Variants in CDH26 observed in about 807,000 individuals in gnomAD.
CDH26 encodes cadherin-like protein 26.
CDH26 carries 83 observed loss-of-function variants against 90.3 expected under a neutral mutation model. That is an observed-to-expected ratio of 0.92 (90% CI 0.77 to 1.10). The LOEUF (loss-of-function observed/expected upper bound fraction) is 1.10, where lower values mean the gene tolerates loss of function less well. Ranked by LOEUF, CDH26 falls within the 50% of genes least tolerant of loss-of-function variation. CDH26 has a pLI of 0.00. For missense variants in CDH26, 1,013 were observed against 1,037.6 expected (o/e 0.98, Z 0.33); for synonymous variants, 397 against 396.3 (o/e 1.00, Z -0.02).
intron 1 of CDH26, among the ~76,000 whole-genome samples, chr20:59,966,994 A>C (rs1056253114): frequency 3.4e-5 from 5 of 147,478 alleles, no homozygotes; most frequent in African/African-American, 1.3e-4. Flanking sequence ...AGTAAAAAAA[A>C]AAATAATAAT....
chr20:59,988,054 G>A (rs1262606762), intron 8 of CDH26, among the ~76,000 whole-genome samples: 1 of 152,162 alleles, frequency 6.6e-6, no homozygotes, highest in Admixed American at 6.5e-5. Flanking sequence ...TAAAACAAAT[G>A]GGAGTGCATC....
At chr20:59,995,478 T>A (rs1182686504) in intron 11 of CDH26, among the ~76,000 whole-genome samples, 6 of 152,170 alleles carry the variant, frequency 3.9e-5, no homozygotes. Context: ...CGGGAGTGGA[T>A]GATGAGAAGC....
intron 7 of CDH26, among the ~76,000 whole-genome samples, chr20:60,028,577 C>T (rs1356677657): frequency 6.6e-6 from 1 of 152,158 alleles, no homozygotes; most frequent in Non-Finnish European, 1.5e-5. Flanking sequence ...GCAGGGAGTT[C>T]ATAGGCAGGA....
chr20:60,015,916 CA>C, downstream of CDH26, among the ~76,000 whole-genome samples: 1 of 152,242 alleles, frequency 6.6e-6, no homozygotes, highest in South Asian at 2.1e-4. Flanking sequence ...GTCTTTTTGT[CA>C]AAAATCAGTT....
intron 1 of CDH26, 78 bp from the exon 2 acceptor site, chr20:59,968,889 T>G: frequency 1.5e-6 from 1 of 671,068 alleles, no homozygotes; most frequent in Non-Finnish European, 2.5e-6. Flanking sequence ...TAATTCTAGA[T>G]TTGTGCAACT....
chr20:59,974,956 A>G (rs539197418), intron 4 of CDH26, among the ~76,000 whole-genome samples: 1 of 152,142 alleles, frequency 6.6e-6, no homozygotes, highest in Non-Finnish European at 1.5e-5. Flanking sequence ...ACTCTGCCTT[A>G]TTGTTGACTT....
chr20:60,025,298 C>G (rs1411665816), intron 7 of CDH26, among the ~76,000 whole-genome samples: 2 of 152,212 alleles, frequency 1.3e-5, no homozygotes, highest in African/African-American at 4.8e-5. Context: ...GAGTTAAATG[C>G]ATTCAGTGAA....
chr20:60,031,442 T>C, intron 8 of CDH26: 1 of 1,095,320 alleles, frequency 9.1e-7, no homozygotes, highest in Non-Finnish European at 1.1e-6. Context: ...AGTCTCTATA[T>C]TTTTGCATGT....
At position 59,987,496 on chromosome 20, in the gene CDH26, T is replaced by C. The variant is rs773499601; in HGVS notation, c.881T>C (p.Leu294Ser). ...GAAGGCCGAGCCAGCCAGGGCGTGTTGCGTCTCCTGGTTCAAGATCGAGAT... is the reference window on the plus strand; with the variant it reads ...GAAGGCCGAGCCAGCCAGGGCGTGTCGCGTCTCCTGGTTCAAGATCGAGAT... ...IPEGRASQGV[L>S]RLLVQDRDSP... The change falls in exon 8 of 18, where the codon TTG becomes TCG. Residue 294 changes from leucine (L) to serine (S), a missense_variant. Coordinates refer to ENST00000348616, the MANE Select transcript of CDH26 (RefSeq NM_177980.4). The C allele has an allele frequency of 2.7e-5, 43 of 1,613,694 alleles. No homozygotes were observed. The highest frequency in any genetic ancestry group is 3.4e-5 in the Non-Finnish European group (40 of 1,179,898).
At chr20:59,966,231 T>TAAAAAAAAAAAAAAAAA (rs60088029) in intron 1 of CDH26, among the ~76,000 whole-genome samples, 6 of 76,266 alleles carry the variant, frequency 7.9e-5, no homozygotes, top group African/African-American at 3.8e-4. Flanking sequence ...GGTGTTGCAT[T>TAAAAAAAAAAAAAAAAA]AAAAAAAAAA....
intron 12 of CDH26, chr20:59,996,326 T>C: frequency 3.5e-6 from 5 of 1,419,910 alleles, no homozygotes; most frequent in African/African-American, 1.4e-5. Context: ...GTAATAACCA[T>C]GGAGACAGCA....
At chr20:59,985,225 TC>T in intron 7 of CDH26, 96 bp downstream of exon 7, 1 of 1,438,364 alleles carries the variant, frequency 7.0e-7, no homozygotes, top group South Asian at 1.2e-5. Context: ...TAGGCTGTTA[TC>T]ATATTGCTGT....
At chr20:59,970,944 C>T (rs1036228096) in intron 3 of CDH26, among the ~76,000 whole-genome samples, 1 of 152,110 alleles carries the variant, frequency 6.6e-6, no homozygotes, top group African/African-American at 2.4e-5. Flanking sequence ...CACATTACAA[C>T]AATTAGGCGG....
chr20:59,975,444 C>T (rs1376452806), intron 4 of CDH26, among the ~76,000 whole-genome samples: 1 of 152,172 alleles, frequency 6.6e-6, no homozygotes, highest in Non-Finnish European at 1.5e-5. Flanking sequence ...GCTGACTCCT[C>T]CATTTCAGCT....
At chr20:59,964,508 T>C (rs924346362) in intron 1 of CDH26, among the ~76,000 whole-genome samples, 1 of 151,574 alleles carries the variant, frequency 6.6e-6, no homozygotes, top group African/African-American at 2.4e-5. Flanking sequence ...GATTTCCTCT[T>C]TGGACAGACT....
In CDH26 at chr20:59,964,882, G is replaced by A. The variant is rs1479758092; in HGVS notation, c.70-4085G>A. ...TCAATTTACAGAAGGGGAAACTGAG[G>A]CCCAGAGGGAACAAGAAACCTCAAT... On this transcript the variant is annotated intron_variant, in intron 1 of 17. Coordinates refer to ENST00000348616, the MANE Select transcript of CDH26 (RefSeq NM_177980.4). Among the ~76,000 whole-genome samples the A allele has an allele frequency of 2.0e-5, 3 of 152,292 alleles. No homozygotes were observed. The East Asian group carries it at 5.8e-4, about 29-fold the overall frequency.
At chr20:59,998,933 G>A (rs115931468) in intron 13 of CDH26, among the ~76,000 whole-genome samples, 1,735 of 152,220 alleles carry the variant, frequency 0.011, 30 homozygotes, top group African/African-American at 0.038. Context: ...TTATCCCTCT[G>A]TCCATCTTAC....
chr20:60,025,977 A>G (rs1386442636), intron 7 of CDH26, among the ~76,000 whole-genome samples: 2 of 152,194 alleles, frequency 1.3e-5, no homozygotes, highest in East Asian at 1.9e-4. Flanking sequence ...TGTGCTGGAC[A>G]CTATTTCATT....
chr20:59,996,169 T>C (rs1330847100), intron 12 of CDH26, 115 bp downstream of exon 12: 1 of 1,138,168 alleles, frequency 8.8e-7, no homozygotes, highest in Non-Finnish European at 1.2e-6. Context: ...TGGAATGGCT[T>C]TGAGAATGAC....
Sources: gnomAD v4.1 joint callset for allele counts (sites outside exome capture counted in the v4.1 genomes callset) on GRCh38, gnomAD v4.1.1 for gene constraint, MANE v1.5 for transcripts, NCBI Gene and HGNC (gene_info 2026-07-23, HGNC 2026-07-21) for gene names.